CFAP20DC: variants seen among roughly 807,000 people sequenced by gnomAD.
CFAP20DC encodes the protein CFAP20 domain containing, also known as protein CFAP20DC.
Under a neutral mutation model 101.7 loss-of-function variants are expected in CFAP20DC, and 84 were observed. The ratio of observed to expected loss-of-function variants is 0.83; its 90% CI spans 0.69 to 0.99. The LOEUF (loss-of-function observed/expected upper bound fraction) is 0.99. Ranked by LOEUF, CFAP20DC falls within the 50% of genes least tolerant of loss-of-function variation. The pLI is 0.00. For synonymous variants in CFAP20DC, 359 were observed against 351.2 expected, an observed-to-expected ratio of 1.02 and a Z score of -0.25; for missense variants, 1,007 against 970.3, an observed-to-expected ratio of 1.04 and a Z score of -0.50.
At chr3:58,745,941 A>G (rs2068162817) in intron 16 of CFAP20DC, among the ~76,000 whole-genome samples, 1 of 152,198 alleles carries the variant, frequency 6.6e-6, no homozygotes, top group African/African-American at 2.4e-5. Context: ...ATGAGGACTA[A>G]ATAACACTCA....
Position 58,913,574 on chromosome 3 carries a change from C to T in CFAP20DC, c.550+134G>A, listed in dbSNP as rs1157058790. On this transcript the variant is annotated intron_variant, in intron 6 of 16. Coordinates refer to ENST00000482387, the MANE Select transcript of CFAP20DC (RefSeq NM_001394063.1). This position sits in a 1 kb window ranked among gnomAD's most constrained non-coding sequence, Gnocchi z 4.4. ...ATTTGATCTAGAACAAAGAAATCAG[C>T]ATGACTGTTGACAAATTTACTTTAG... is the stretch of plus-strand genomic sequence containing the variant. 1 of 828,008 alleles carries T rather than the reference C, an allele frequency of 1.2e-6. No homozygotes were observed. Among genetic ancestry groups the T allele is most frequent in the Non-Finnish European group, 2.0e-6 (1 of 493,820 alleles). The allele number at this position is 828,008 out of a possible 1,614,324, so 51.3% of individuals were successfully genotyped here. A position where few individuals can be genotyped will look rare whatever the true frequency, so the allele number is the denominator to read the frequency against.
At position 58,894,075 on chromosome 3, in the gene CFAP20DC, T is replaced by G. The variant is rs2082475105; in HGVS notation, c.551-9366A>C. ...GCATGGGAAGTACCTGCCCCCATGA[T>G]GCAATTACCTCCTACTGAGTCCCTC... On this transcript the variant is annotated intron_variant, in intron 6 of 16. Coordinates refer to ENST00000482387, the MANE Select transcript of CFAP20DC (RefSeq NM_001394063.1). The surrounding 1 kb of genome is among the most constrained non-coding windows in gnomAD (Gnocchi z 4.1). 6.6e-6 allele frequency among the ~76,000 whole-genome samples: 1 copy of G among 152,148 alleles called. No individual in the cohort carries two copies. Among genetic ancestry groups the G allele is most frequent in the Admixed American group, 6.5e-5 (1 of 15,272 alleles).
chr3:58,770,885 T>C (rs2070779290), intron 15 of CFAP20DC, among the ~76,000 whole-genome samples: 1 of 152,158 alleles, frequency 6.6e-6, no homozygotes, highest in South Asian at 2.1e-4. Context: ...CAAAATAGAA[T>C]AGTGTTATTG....
intron 14 of CFAP20DC, among the ~76,000 whole-genome samples, chr3:58,811,913 C>T (rs1575717708): frequency 1.3e-5 from 2 of 152,148 alleles, no homozygotes; most frequent in African/African-American, 4.8e-5. Context: ...ACAGACACTT[C>T]TCAAAAGAGA....
chr3:58,941,546 T>C (rs2088586744), intron 4 of CFAP20DC, among the ~76,000 whole-genome samples: 1 of 151,868 alleles, frequency 6.6e-6, no homozygotes, highest in African/African-American at 2.4e-5. Context: ...TACTTCTGCT[T>C]TTTCAACTTT....
intron 14 of CFAP20DC, among the ~76,000 whole-genome samples, chr3:58,807,270 G>A (rs575023780): frequency 4.6e-5 from 7 of 152,148 alleles, no homozygotes; most frequent in Non-Finnish European, 8.8e-5. Context: ...TCCTCAAGTG[G>A]GTCCCTGACC....
chr3:59,050,023 A>C lies in CFAP20DC; in HGVS notation c.-392T>G. 3 of 208,780 alleles carry C rather than the reference A, an allele frequency of 1.4e-5. No homozygotes were observed. Among genetic ancestry groups the C allele is most frequent in the East Asian group, 1.2e-4 (1 of 8,182 alleles). The allele number at this position is 208,780 out of a possible 1,614,324, so 12.9% of individuals were successfully genotyped here. ...GCTCCCGCTGCCGCCCCACCCCAGA[A>C]TCAAACCGCGAAAGAGCAGCGCCGA... is the stretch of plus-strand genomic sequence containing the variant. On this transcript the variant is annotated 5_prime_UTR_variant, in exon 1 of 17. Coordinates refer to ENST00000482387, the MANE Select transcript of CFAP20DC (RefSeq NM_001394063.1).
At chr3:58,866,521 CA>C (rs1262942422) in intron 11 of CFAP20DC, 44 bp downstream of exon 11, 1 of 1,465,294 alleles carries the variant, frequency 6.8e-7, no homozygotes, top group African/African-American at 1.5e-5. Context: ...ACCATATTTA[CA>C]TTTTATTCAT....
chr3:58,910,472 T>C (rs894915935), intron 6 of CFAP20DC, among the ~76,000 whole-genome samples: 7 of 152,150 alleles, frequency 4.6e-5, no homozygotes, highest in Non-Finnish European at 1.0e-4. Context: ...ATTAAGAAGT[T>C]AGATATCATT....
intron 15 of CFAP20DC, among the ~76,000 whole-genome samples, chr3:58,780,786 C>T (rs2071757566): frequency 1.3e-5 from 2 of 151,818 alleles, no homozygotes; most frequent in South Asian, 4.2e-4. Flanking sequence ...ATATGTAATG[C>T]AAATATTACT....
At chr3:58,753,336 G>A (rs2068703216) in intron 16 of CFAP20DC, among the ~76,000 whole-genome samples, 1 of 152,136 alleles carries the variant, frequency 6.6e-6, no homozygotes, top group Non-Finnish European at 1.5e-5. Flanking sequence ...GTATTTGGTA[G>A]GCACTATTCT....
chr3:58,743,883 C>A (rs1018218961), intron 16 of CFAP20DC, among the ~76,000 whole-genome samples: 1 of 152,144 alleles, frequency 6.6e-6, no homozygotes, highest in African/African-American at 2.4e-5. Flanking sequence ...CACTCCTCTG[C>A]CCACTTTTCT....
At chr3:58,723,450 A>C (rs1417220823) in intron 3 of CFAP20DC, among the ~76,000 whole-genome samples, 1 of 152,234 alleles carries the variant, frequency 6.6e-6, no homozygotes, top group Non-Finnish European at 1.5e-5. Context: ...AGAACACATA[A>C]GATGGTATTT....
chr3:58,861,280 T>A lies in CFAP20DC; in HGVS notation c.1593+2278A>T. The A allele has an allele frequency of 1.5e-6, 1 of 652,088 alleles. No homozygotes were observed. The highest frequency in any genetic ancestry group is 1.9e-6 in the Non-Finnish European group (1 of 525,878). The allele number at this position is 652,088 out of a possible 1,614,324, so 40.4% of individuals were successfully genotyped here. ...ACTTTATAAACTTCAAGCATAATAATATAATTGTTATTCACTTGTCCACCA... is the reference window on the plus strand; with the variant it reads ...ACTTTATAAACTTCAAGCATAATAAAATAATTGTTATTCACTTGTCCACCA... On this transcript the variant is annotated intron_variant, in intron 12 of 16. Transcript: ENST00000482387. The surrounding 1 kb of genome is among the most constrained non-coding windows in gnomAD (Gnocchi z 4.0).
chr3:58,744,134 T>C (rs2068037919), intron 16 of CFAP20DC, among the ~76,000 whole-genome samples: 1 of 152,224 alleles, frequency 6.6e-6, no homozygotes, highest in Non-Finnish European at 1.5e-5. Flanking sequence ...GGTAGAGCCC[T>C]TGATGGTTTA....
intron 15 of CFAP20DC, among the ~76,000 whole-genome samples, chr3:58,783,907 G>T (rs1405738167): frequency 1.3e-5 from 2 of 152,050 alleles, no homozygotes; most frequent in African/African-American, 4.8e-5. Context: ...TGTTATGTGG[G>T]TATATTGTGT....
At chr3:58,823,053 C>T (rs1419405888) in intron 14 of CFAP20DC, among the ~76,000 whole-genome samples, 2 of 152,104 alleles carry the variant, frequency 1.3e-5, no homozygotes, top group African/African-American at 2.4e-5. Context: ...CATATTTCTC[C>T]ACCACTTTCC....
chr3:58,935,621 A>T (rs1414144418), intron 5 of CFAP20DC, among the ~76,000 whole-genome samples: 2 of 152,192 alleles, frequency 1.3e-5, no homozygotes, highest in African/African-American at 4.8e-5. Context: ...ATAACGCCGC[A>T]TATCTACAAC....
In CFAP20DC at chr3:58,914,219, A is replaced by G. The variant is rs1316596229; in HGVS notation, c.394-355T>C. Among the ~76,000 whole-genome samples, 1 of 152,160 alleles carries G rather than the reference A, an allele frequency of 6.6e-6. No individual in the cohort carries two copies. The highest frequency in any genetic ancestry group is 1.5e-5 in the Non-Finnish European group (1 of 68,012). ...GACATCTTGAAAATCAGAGATAAGTAGCCAATTGTTCCTTCAAGGGGACTA... is the reference window on the plus strand; with the variant it reads ...GACATCTTGAAAATCAGAGATAAGTGGCCAATTGTTCCTTCAAGGGGACTA... On this transcript the variant is annotated intron_variant, in intron 5 of 16. Coordinates refer to ENST00000482387, the MANE Select transcript of CFAP20DC (RefSeq NM_001394063.1). This position sits in a 1 kb window ranked among gnomAD's most constrained non-coding sequence, Gnocchi z 4.9.
Sources: gnomAD v4.1 joint callset for allele counts (sites outside exome capture counted in the v4.1 genomes callset) on GRCh38, gnomAD v4.1.1 for gene constraint, Gnocchi (gnomAD v3.1) non-coding constraint, MANE v1.5 for transcripts, NCBI Gene and HGNC (gene_info 2026-07-23, HGNC 2026-07-21) for gene names.